Variants in BTBD7 observed in about 807,000 individuals in gnomAD.
BTBD7 encodes BTB/POZ domain-containing protein 7.
Under a neutral mutation model 99.9 loss-of-function variants are expected in BTBD7, and 38 were observed. That is an observed-to-expected ratio of 0.38 (90% CI 0.29 to 0.50). BTBD7 has a LOEUF of 0.50. Among genes scored for constraint, BTBD7 ranks in the 20% least tolerant of loss-of-function variants. BTBD7 has a pLI of 0.93. For synonymous variants in BTBD7, 520 were observed against 511.4 expected, an observed-to-expected ratio of 1.02 and a Z score of -0.23; for missense variants, 1,170 against 1,394.6, an observed-to-expected ratio of 0.84 and a Z score of 2.57.
At chr14:93,259,851 T>C (rs892430558) in intron 5 of BTBD7, among the ~76,000 whole-genome samples, 4 of 152,030 alleles carry the variant, frequency 2.6e-5, no homozygotes, top group African/African-American at 9.7e-5. Context: ...GGAGAATAGC[T>C]TGAACCCGGG....
At chr14:93,317,347 T>C (rs2053219458) in intron 1 of BTBD7, among the ~76,000 whole-genome samples, 1 of 149,364 alleles carries the variant, frequency 6.7e-6, no homozygotes, top group South Asian at 2.1e-4. Flanking sequence ...ACCTTTGCAC[T>C]GAGCTAATGT....
At chr14:93,291,407 C>T (rs961373981) in intron 3 of BTBD7, among the ~76,000 whole-genome samples, 2 of 152,042 alleles carry the variant, frequency 1.3e-5, no homozygotes, top group African/African-American at 4.8e-5. Context: ...GAACTGAAAC[C>T]CAGTCTGTCT....
rs1316580509 is a variant in BTBD7 at position 93,239,324 on chromosome 14, A to G, written c.*2949T>C. 2.4e-4 allele frequency: 37 copies of G among 152,592 alleles called. No individual in the cohort carries two copies. Among genetic ancestry groups the G allele is most frequent in the African/African-American group, 2.4e-5 (1 of 41,440 alleles). 9.5% of individuals were successfully genotyped at this position (152,592 alleles called of 1,614,324 possible). On this transcript the variant is annotated 3_prime_UTR_variant, in exon 11 of 11. Coordinates refer to ENST00000334746, the MANE Select transcript of BTBD7 (RefSeq NM_001002860.4). ...CGGGCACTGGAAGCGGTGATTGTCC[A>G]AAGGCCTGATTGTCCACGATCTCAA...
At chr14:93,284,013 GTTACT>G (rs1461462762) in intron 3 of BTBD7, among the ~76,000 whole-genome samples, 1 of 152,008 alleles carries the variant, frequency 6.6e-6, no homozygotes, top group African/African-American at 2.4e-5. Context: ...GAATTTCCAA[GTTACT>G]TTAACATTCT....
intron 1 of BTBD7, among the ~76,000 whole-genome samples, chr14:93,330,896 C>T (rs2053395072): frequency 6.6e-6 from 1 of 152,168 alleles, no homozygotes; most frequent in Admixed American, 6.5e-5. Flanking sequence ...ATCCTAAAAT[C>T]AGAGTCTGAT....
At position 93,261,593 on chromosome 14, in the gene BTBD7, G is replaced by A. The variant is rs369978934; in HGVS notation, c.1447+9C>T. The A allele has an allele frequency of 3.1e-5, 49 of 1,605,104 alleles. No homozygotes were observed. In the South Asian group the frequency reaches 3.4e-4, roughly 11 times the overall value. On this transcript the variant is annotated intron_variant, in intron 5 of 10. Coordinates refer to ENST00000334746, the MANE Select transcript of BTBD7 (RefSeq NM_001002860.4). ...AGGTAACTAGTGCAAGCTAATTTTC[G>A]GAGCTTACCTCTATCTGCTATTCTT...
intron 9 of BTBD7, among the ~76,000 whole-genome samples, 179 bp from the exon 10 acceptor site, chr14:93,246,465 A>G (rs956942170): frequency 7.2e-5 from 11 of 152,372 alleles, no homozygotes; most frequent in African/African-American, 2.2e-4. Flanking sequence ...GTTATAGTAC[A>G]AAGGCACAGA....
At chr14:93,255,847 T>C (rs561469564) in intron 6 of BTBD7, 2 of 152,350 alleles carry the variant, frequency 1.3e-5, no homozygotes, top group African/African-American at 2.4e-5. Context: ...TTCTGTTGTG[T>C]AGTGGTACTA....
chr14:93,246,266 A>C lies in BTBD7; in HGVS notation c.2142T>G (p.Pro714=), dbSNP rs751807023. Residue 714 remains proline (P), a synonymous_variant, in exon 10 of 11, where the codon CCT becomes CCG. Transcript: ENST00000334746. ...GACTTTCATCCCCAAAACGTTCATC[A>C]GGAAAGAATTTGTGAGGATTCTAAA... ...ELLQNPHKFF[P]DERFGDESPL... 6.0e-6 allele frequency: 9 copies of C among 1,507,496 alleles called. No individual in the cohort carries two copies. The allele number at this position is 1,507,496 out of a possible 1,614,324, so 93.4% of individuals were successfully genotyped here.
At chr14:93,292,588 A>G (rs1262953378) in intron 3 of BTBD7, among the ~76,000 whole-genome samples, 1 of 152,230 alleles carries the variant, frequency 6.6e-6, no homozygotes, top group Admixed American at 6.5e-5. Context: ...AGAAATCTCA[A>G]CATTTTCCCA....
At chr14:93,261,740 G>GGT in intron 4 of BTBD7, 63 bp from the exon 5 acceptor site, 3 of 1,245,584 alleles carry the variant, frequency 2.4e-6, no homozygotes, top group Non-Finnish European at 3.5e-6. Context: ...ATTTCATTAA[G>GGT]GACTTTTCGT....
chr14:93,248,403 T>A (rs151089706), intron 9 of BTBD7, 73 bp downstream of exon 9: 2 of 1,499,648 alleles, frequency 1.3e-6, no homozygotes, highest in African/African-American at 1.4e-5. Context: ...CAAGGACTCG[T>A]CAGGATGCCC....
intron 1 of BTBD7, among the ~76,000 whole-genome samples, chr14:93,327,893 CAAA>C (rs773119722): frequency 2.0e-5 from 3 of 151,990 alleles, no homozygotes; most frequent in Non-Finnish European, 4.4e-5. Context: ...ATTCCACACA[CAAA>C]AAAACTATTA....
At chr14:93,244,554 CAGG>C (rs958504285) in intron 10 of BTBD7, among the ~76,000 whole-genome samples, 8 of 152,148 alleles carry the variant, frequency 5.3e-5, no homozygotes, top group African/African-American at 1.9e-4. Flanking sequence ...GAGGCTGAGG[CAGG>C]AGGATTGCTT....
chr14:93,287,069 A>G lies in BTBD7; in HGVS notation c.1162+6789T>C, dbSNP rs544061266. Among the ~76,000 whole-genome samples, 790 of 152,092 alleles carry G rather than the reference A, an allele frequency of 5.2e-3. 6 individuals are homozygous for G. Among genetic ancestry groups the G allele is most frequent in the Non-Finnish European group, 7.9e-3 (536 of 67,980 alleles). On this transcript the variant is annotated intron_variant, in intron 3 of 10. Transcript: ENST00000334746. ...AGAGCAGATCCCCGTCTCTACTAAA[A>G]ACACAAAAAATTAGCCGGGCATGGT...
intron 1 of BTBD7, among the ~76,000 whole-genome samples, chr14:93,305,324 T>A (rs74653527): frequency 0.041 from 6,316 of 152,270 alleles, 442 homozygotes; most frequent in African/African-American, 0.14. Flanking sequence ...AAAAATGTGT[T>A]CCTCCTAAGT....
chr14:93,274,778 C>T (rs1260721525), intron 3 of BTBD7, among the ~76,000 whole-genome samples: 9 of 152,166 alleles, frequency 5.9e-5, no homozygotes, highest in African/African-American at 2.2e-4. Context: ...AGAGCAGATA[C>T]AAAAATCTAC....
At chr14:93,313,754 G>C (rs563753249) in intron 1 of BTBD7, among the ~76,000 whole-genome samples, 4 of 151,564 alleles carry the variant, frequency 2.6e-5, no homozygotes, top group African/African-American at 9.7e-5. Context: ...TTTAATTTGA[G>C]AAAGGGTCCT....
intron 3 of BTBD7, among the ~76,000 whole-genome samples, chr14:93,273,284 C>T (rs748199114): frequency 1.4e-4 from 22 of 152,254 alleles, no homozygotes; most frequent in Non-Finnish European, 2.6e-4. Context: ...GACTATAAGG[C>T]CTAGATACTG....
Sources: gnomAD v4.1 joint callset for allele counts (sites outside exome capture counted in the v4.1 genomes callset) on GRCh38, gnomAD v4.1.1 for gene constraint, MANE v1.5 for transcripts, NCBI Gene and HGNC (gene_info 2026-07-23, HGNC 2026-07-21) for gene names.